PHACTR4: variants seen among roughly 807,000 people sequenced by gnomAD.
The protein encoded by PHACTR4 is phosphatase and actin regulator 4.
In PHACTR4, 51 loss-of-function variants were observed where a neutral mutation model predicts 72.7. The observed-to-expected ratio is 0.70, with a 90% CI of 0.56 to 0.89. The LOEUF (loss-of-function observed/expected upper bound fraction) is 0.89. PHACTR4 is among the 40% of genes least tolerant of loss of function. PHACTR4 has a pLI of 0.00. For synonymous variants in PHACTR4, 255 were observed against 302.5 expected (o/e 0.84, Z 1.63); for missense variants, 731 against 861.8 (o/e 0.85, Z 1.90).
intron 5 of PHACTR4, among the ~76,000 whole-genome samples, chr1:28,466,159 C>T (rs1376626806): frequency 1.3e-5 from 2 of 152,134 alleles, no homozygotes; most frequent in Non-Finnish European, 1.5e-5. Flanking sequence ...AGTAGCCTGG[C>T]CCTTGTGTGA....
chr1:28,442,368 A>G (rs1054493994), intron 2 of PHACTR4, among the ~76,000 whole-genome samples: 2 of 151,518 alleles, frequency 1.3e-5, no homozygotes, highest in Non-Finnish European at 2.9e-5. Context: ...GGAGGCTGAG[A>G]CAGGAGAATC....
chr1:28,431,772 G>T (rs2124379237), intron 2 of PHACTR4, among the ~76,000 whole-genome samples: 1 of 152,316 alleles, frequency 6.6e-6, no homozygotes, highest in East Asian at 1.9e-4. Flanking sequence ...TTAATGGAGG[G>T]AAGGAACAAT....
At chr1:28,469,550 G>T (rs61785969) in intron 6 of PHACTR4, among the ~76,000 whole-genome samples, 59,236 of 152,000 alleles carry the variant, frequency 0.39, 13,373 homozygotes, top group African/African-American at 0.62. Flanking sequence ...TTACCAAATA[G>T]AATTTATTTT....
intron 1 of PHACTR4, among the ~76,000 whole-genome samples, chr1:28,375,847 A>G (rs1403034462): frequency 6.6e-6 from 1 of 152,124 alleles, no homozygotes; most frequent in South Asian, 2.1e-4. Flanking sequence ...AGGTGGGTGG[A>G]TCACCCGAGG....
At chr1:28,453,529 G>T (rs1246525378) in intron 2 of PHACTR4, 2 of 605,486 alleles carry the variant, frequency 3.3e-6, no homozygotes, top group Non-Finnish European at 5.9e-6. Flanking sequence ...GGTGGTGGCT[G>T]GGCTGGGGAA....
chr1:28,431,304 A>C (rs1569928125), intron 2 of PHACTR4, among the ~76,000 whole-genome samples: 1 of 149,826 alleles, frequency 6.7e-6, no homozygotes, highest in East Asian at 2.0e-4. Flanking sequence ...GGAGATCTAG[A>C]CCATTCTGGC....
At chr1:28,424,312 C>T (rs879324401) in intron 2 of PHACTR4, among the ~76,000 whole-genome samples, 1 of 152,116 alleles carries the variant, frequency 6.6e-6, no homozygotes, top group Non-Finnish European at 1.5e-5. Context: ...CTGCCTCAGC[C>T]TCCTGTGTAG....
At chr1:28,376,611 G>A (rs2124112790) in intron 1 of PHACTR4, among the ~76,000 whole-genome samples, 1 of 151,902 alleles carries the variant, frequency 6.6e-6, no homozygotes. Context: ...TTACAGGCGT[G>A]AGCCACTGCG....
At chr1:28,394,244 TAG>T (rs1653292441) in intron 1 of PHACTR4, among the ~76,000 whole-genome samples, 1 of 136,460 alleles carries the variant, frequency 7.3e-6, no homozygotes, top group African/African-American at 2.8e-5. Context: ...CAAAAAGTTT[TAG>T]AAAGTAAAAA....
At chr1:28,467,977 A>G (rs191083410) in intron 6 of PHACTR4, among the ~76,000 whole-genome samples, 28 of 152,346 alleles carry the variant, frequency 1.8e-4, no homozygotes, top group Non-Finnish European at 3.5e-4. Context: ...AGTATTGCTT[A>G]AAGTTCTTGT....
intron 1 of PHACTR4, among the ~76,000 whole-genome samples, chr1:28,391,945 A>C (rs1247184272): frequency 6.6e-6 from 1 of 152,112 alleles, no homozygotes; most frequent in East Asian, 1.9e-4. Context: ...TGCTGAGAGT[A>C]GATTTTAAGT....
chr1:28,430,421 T>C (rs1656178485), intron 2 of PHACTR4, among the ~76,000 whole-genome samples: 1 of 152,034 alleles, frequency 6.6e-6, no homozygotes, highest in Non-Finnish European at 1.5e-5. Flanking sequence ...AGATGAGAAA[T>C]GAAGAGTTTG....
intron 2 of PHACTR4, among the ~76,000 whole-genome samples, chr1:28,424,120 T>A (rs1444682449): frequency 1.3e-5 from 2 of 152,142 alleles, no homozygotes; most frequent in Non-Finnish European, 2.9e-5. Flanking sequence ...AGTGCTGCAG[T>A]TTTGTCCTTC....
At chr1:28,395,179 C>T (rs1441104921) in intron 1 of PHACTR4, among the ~76,000 whole-genome samples, 1 of 152,148 alleles carries the variant, frequency 6.6e-6, no homozygotes, top group African/African-American at 2.4e-5. Flanking sequence ...TCCTAAAGTG[C>T]TGGGATACAG....
chr1:28,453,638 G>A, intron 2 of PHACTR4: 1 of 1,263,442 alleles, frequency 7.9e-7, no homozygotes, highest in Non-Finnish European at 1.1e-6. Flanking sequence ...AGAGAAGAGA[G>A]ACTCGGTTCT....
At chr1:28,432,037 T>C (rs1656301552) in intron 2 of PHACTR4, among the ~76,000 whole-genome samples, 1 of 151,922 alleles carries the variant, frequency 6.6e-6, no homozygotes, top group African/African-American at 2.4e-5. Context: ...GGTGAAACCC[T>C]ATCTCTACTA....
chr1:28,463,939 G>A (rs560182924), intron 4 of PHACTR4, among the ~76,000 whole-genome samples: 78 of 151,842 alleles, frequency 5.1e-4, no homozygotes, highest in Non-Finnish European at 9.3e-4. Context: ...ACTATGTTTC[G>A]CAGGCTGATC....
chr1:28,418,190 G>A (rs1401157218), intron 2 of PHACTR4, among the ~76,000 whole-genome samples: 1 of 151,996 alleles, frequency 6.6e-6, no homozygotes, highest in African/African-American at 2.4e-5. Flanking sequence ...GTCCGGCTGG[G>A]TGTGGTGGCT....
chr1:28,457,453 A>G, intron 2 of PHACTR4: 1 of 315,238 alleles, frequency 3.2e-6, no homozygotes, highest in South Asian at 2.6e-5. Context: ...TGTTTTTGTA[A>G]TTAGCCAGGA....
Sources: allele counts gnomAD v4.1 joint callset (sites outside exome capture counted in the v4.1 genomes callset), GRCh38; gene constraint gnomAD v4.1.1; transcripts MANE v1.5; gene names NCBI Gene and HGNC (gene_info 2026-07-23, HGNC 2026-07-21).